KLC2: variants seen among roughly 807,000 people sequenced by gnomAD.
KLC2 encodes the protein KLC 2.
In KLC2, 35 loss-of-function variants were observed where a neutral mutation model predicts 75.1. That is an observed-to-expected ratio of 0.47 (90% CI 0.36 to 0.62). The LOEUF (loss-of-function observed/expected upper bound fraction) is 0.62, where lower values mean the gene tolerates loss of function less well. Among genes scored for constraint, KLC2 ranks in the 20% least tolerant of loss-of-function variants. The pLI is 0.00. For missense variants in KLC2, 611 were observed against 833.2 expected, an observed-to-expected ratio of 0.73 and a Z score of 3.28; for synonymous variants, 314 against 336.7, an observed-to-expected ratio of 0.93 and a Z score of 0.74.
the KLC2 span, among the ~76,000 whole-genome samples, chr11:66,248,590 C>G: frequency 6.6e-6 from 1 of 152,196 alleles, no homozygotes; most frequent in East Asian, 1.9e-4. Flanking sequence ...GCACTCCAAC[C>G]TGGGCGACAG....
rs529343099 is a variant in KLC2, at chr11:66,267,747, G to C, written c.*791G>C. 2.2e-6 allele frequency: 1 copy of C among 459,852 alleles called. No individual in the cohort carries two copies. Among genetic ancestry groups the C allele is most frequent in the African/African-American group, 2.1e-5 (1 of 48,622 alleles). The allele number at this position is 459,852 out of a possible 1,614,324, so 28.5% of individuals were successfully genotyped here. A position where few individuals can be genotyped will look rare whatever the true frequency, so the allele number is the denominator to read the frequency against. On this transcript the variant is annotated 3_prime_UTR_variant, in exon 16 of 16. Coordinates refer to ENST00000394067, the MANE Select transcript of KLC2 (RefSeq NM_001318734.2). ...CCTCCCCCCACGCCTGCAGCTTCTC[G>C]CGAGGGGCGGCGACGGTCCCCTGGT...
chr11:66,265,699 GGCGCCAGGGCAAGCTGGAAGCC>G lies in KLC2; in HGVS notation c.1384_1405del (p.Gln462ThrfsTer3), dbSNP rs1565175479. The G allele has an allele frequency of 6.2e-7, 1 of 1,613,912 alleles. No individual in the cohort carries two copies. The highest frequency in any genetic ancestry group is 1.7e-5 in the Admixed American group (1 of 60,002). On this transcript the variant is annotated frameshift_variant, in exon 12 of 16. Transcript: ENST00000394067. LOFTEE classifies it high-confidence loss of function. ...CTGCGCAGCTTGGGGGCCCTATACC[GGCGCCAGGGCAAGCTGGAAGCC>G]GCGCACACACTAGAGGACTGTGCCA... is the stretch of plus-strand genomic sequence containing the variant.
chr11:66,250,393 G>A, the KLC2 span, among the ~76,000 whole-genome samples: 45 of 152,200 alleles, frequency 3.0e-4, no homozygotes, highest in East Asian at 7.5e-3. Context: ...CACACATATC[G>A]GCTGAGAAGA....
rs1049363667 is a variant in KLC2, at chr11:66,267,710, C to T, written c.*754C>T. ...CCGCCCCGGGCACCGCCCACCGAGC[C>T]ATCCTGCCTCGCCTCCCCCCACGCC... On this transcript the variant is annotated 3_prime_UTR_variant, in exon 16 of 16. Coordinates refer to ENST00000394067, the MANE Select transcript of KLC2 (RefSeq NM_001318734.2). The T allele has an allele frequency of 3.9e-6, 2 of 515,454 alleles. No individual in the cohort carries two copies. The highest frequency in any genetic ancestry group is 2.0e-5 in the African/African-American group (1 of 49,576). The allele number at this position is 515,454 out of a possible 1,614,324, so 31.9% of individuals were successfully genotyped here. A position where few individuals can be genotyped will look rare whatever the true frequency, so the allele number is the denominator to read the frequency against.
At chr11:66,262,268 A>G in intron 4 of KLC2, 76 bp downstream of exon 4, 6 of 1,171,194 alleles carry the variant, frequency 5.1e-6, no homozygotes, top group Non-Finnish European at 7.6e-6. Context: ...AGTGGCTGCC[A>G]TGTTCCTTCC....
At chr11:66,260,757 C>T (rs956213252) in intron 2 of KLC2, among the ~76,000 whole-genome samples, 16 of 152,116 alleles carry the variant, frequency 1.1e-4, no homozygotes, top group Admixed American at 9.2e-4. Context: ...CCACCACACC[C>T]AGCTAATTTT....
chr11:66,266,686 T>C (rs28728376), intron 15 of KLC2, 187 bp from the exon 16 acceptor site: 101 of 841,688 alleles, frequency 1.2e-4, no homozygotes, highest in African/African-American at 1.2e-3. Context: ...CGGCCAGTGC[T>C]AACACCGTCA....
intron 4 of KLC2, 25 bp downstream of exon 4, chr11:66,262,217 G>C: frequency 6.3e-7 from 1 of 1,598,328 alleles, no homozygotes; most frequent in South Asian, 1.1e-5. Flanking sequence ...TTCTGGAGTG[G>C]GGGAAGGAAA....
At position 66,262,769 on chromosome 11, in the gene KLC2, C is replaced by T. The variant is rs766746824; in HGVS notation, c.530-45C>T. 3 of 1,439,456 alleles carry T rather than the reference C, an allele frequency of 2.1e-6. No homozygotes were observed. The East Asian group carries it at 6.8e-5, about 33-fold the overall frequency. 89.2% of individuals were successfully genotyped at this position (1,439,456 alleles called of 1,614,324 possible). On this transcript the variant is annotated intron_variant, in intron 4 of 15. Coordinates refer to ENST00000394067, the MANE Select transcript of KLC2 (RefSeq NM_001318734.2). ...ACAGCTGGCATGTGCCATCCCAGTC[C>T]AGTGGGCAGATGGTACATCTGACCT... is the stretch of plus-strand genomic sequence containing the variant.
chr11:66,248,712 C>T, the KLC2 span, among the ~76,000 whole-genome samples: 6 of 152,046 alleles, frequency 3.9e-5, no homozygotes, highest in Admixed American at 3.3e-4. Flanking sequence ...TGCCACACTA[C>T]GTTTGGTCAT....
In KLC2 at chr11:66,263,865, A is replaced by G; in HGVS notation, c.855A>G (p.Leu285=). ...CCCACCTCCAGGTGGCTGCGACACT[A>G]AACAACCTGGCAGTCCTGTATGGCA... is the stretch of plus-strand genomic sequence containing the variant. ...GKDHPAVAAT[L]NNLAVLYGKR... Residue 285 remains leucine, a synonymous_variant, in exon 7 of 16, where the codon CTA becomes CTG. Coordinates refer to ENST00000394067, the MANE Select transcript of KLC2 (RefSeq NM_001318734.2). The G allele has an allele frequency of 6.2e-7, 1 of 1,614,128 alleles. No homozygotes were observed. Among genetic ancestry groups the G allele is most frequent in the Non-Finnish European group, 8.5e-7 (1 of 1,179,966 alleles).
chr11:66,267,234 C>CAA lies in KLC2; in HGVS notation c.*279_*280insAA. 6.6e-7 allele frequency: 1 copy of CAA among 1,508,346 alleles called. No homozygotes were observed. The highest frequency in any genetic ancestry group is 1.4e-5 in the African/African-American group (1 of 72,312). The allele number at this position is 1,508,346 out of a possible 1,614,324, so 93.4% of individuals were successfully genotyped here. ...CCGGCTGGAGTCTCCACCATAGACT[C>CAA]AGTGGCCTGGCCTCCCCAGACCCCA... On this transcript the variant is annotated 3_prime_UTR_variant, in exon 16 of 16. Coordinates refer to ENST00000394067, the MANE Select transcript of KLC2 (RefSeq NM_001318734.2).
chr11:66,244,969 C>T, the KLC2 span: 6 of 152,334 alleles, frequency 3.9e-5, no homozygotes, highest in South Asian at 2.1e-4. Context: ...GCCCGTTTTT[C>T]CCCAGGACCC....
At chr11:66,258,469 A>T in intron 1 of KLC2, 115 bp from the exon 2 acceptor site, 1 of 675,658 alleles carries the variant, frequency 1.5e-6, no homozygotes, top group East Asian at 2.7e-5. Context: ...CGGCTGGGGG[A>T]CCTGGGCACA....
At chr11:66,266,803 C>G in intron 15 of KLC2, 70 bp from the exon 16 acceptor site, 1 of 1,515,292 alleles carries the variant, frequency 6.6e-7, no homozygotes, top group Non-Finnish European at 9.2e-7. Context: ...CCAGGTCAGA[C>G]CCCTTCAGGC....
chr11:66,266,668 C>T lies in KLC2; in HGVS notation c.1785+178C>T, dbSNP rs555206437. 58 of 846,456 alleles carry T rather than the reference C, an allele frequency of 6.9e-5. No individual in the cohort carries two copies. In the Admixed American group the frequency reaches 9.5e-4, roughly 14 times the overall value. The allele number at this position is 846,456 out of a possible 1,614,324, so 52.4% of individuals were successfully genotyped here. On this transcript the variant is annotated intron_variant, in intron 15 of 15. Transcript: ENST00000394067. ...GAACCCAGCCTCTCCTGGGGGTGGA[C>T]GTGTAAACGGCCAGTGCTAACACCG...
the KLC2 span, among the ~76,000 whole-genome samples, chr11:66,251,360 C>T: frequency 3.7e-5 from 5 of 134,262 alleles, 1 homozygote; most frequent in African/African-American, 1.3e-4. Flanking sequence ...GGCATAGTGG[C>T]GGGCACCTGT....
intron 2 of KLC2, among the ~76,000 whole-genome samples, chr11:66,259,175 C>T (rs1166229960): frequency 1.3e-5 from 2 of 152,134 alleles, no homozygotes; most frequent in African/African-American, 4.8e-5. Flanking sequence ...TGAGGGCCAG[C>T]CAGGGTGTTA....
rs568623908 is a variant in KLC2, at chr11:66,265,881, G to A, written c.1471G>A (p.Val491Met). The change falls in exon 13 of 16, where the codon GTG becomes ATG. Residue 491 changes from valine to methionine, a missense_variant. By Grantham distance (21) the Val-to-Met change is conservative (BLOSUM62 1). Coordinates refer to ENST00000394067, the MANE Select transcript of KLC2 (RefSeq NM_001318734.2). ...TTTGGACCCCGCAAGCCAGACCAAG[G>A]TGGTAGAACTGCTGAAAGATGGCAG... ...QGLDPASQTKVVELLKDGSGR... is the reference protein window; with the variant it reads ...QGLDPASQTKMVELLKDGSGR... The A allele has an allele frequency of 6.3e-7, 1 of 1,577,722 alleles. No homozygotes were observed. The highest frequency in any genetic ancestry group is 1.3e-5 in the African/African-American group (1 of 74,440).
Sources: allele counts gnomAD v4.1 joint callset (sites outside exome capture counted in the v4.1 genomes callset), GRCh38; gene constraint gnomAD v4.1.1; transcripts MANE v1.5; gene names NCBI Gene and HGNC (gene_info 2026-07-23, HGNC 2026-07-21).